The following WWOX variants were observed in gnomAD, a reference collection of about 807,000 sequenced individuals.
The protein encoded by WWOX is WW domain containing oxidoreductase.
A neutral mutation model predicts 46.2 loss-of-function variants in WWOX; 69 were observed. The ratio of observed to expected loss-of-function variants is 1.49; its 90% CI spans 1.23 to 1.82. The LOEUF (loss-of-function observed/expected upper bound fraction) is 1.82, where lower values mean the gene tolerates loss of function less well. Among genes scored for constraint, WWOX ranks in the 40% most tolerant of loss-of-function variants. WWOX has a pLI of 0.00. For synonymous variants in WWOX, 359 were observed against 202.6 expected (o/e 1.77, Z -6.56); for missense variants, 919 against 542.6 (o/e 1.69, Z -6.89).
intron 8 of WWOX, among the ~76,000 whole-genome samples, chr16:78,761,320 T>A (rs2049787531): frequency 6.6e-6 from 1 of 152,216 alleles, no homozygotes. Flanking sequence ...TGTTTGGATT[T>A]TCCTGGCCCA....
intron 8 of WWOX, among the ~76,000 whole-genome samples, chr16:78,987,919 C>CT (rs1324631625): frequency 6.6e-6 from 1 of 152,158 alleles, no homozygotes; most frequent in Admixed American, 6.5e-5. Context: ...CGTCATGTCC[C>CT]TTCTGTATCC....
At chr16:78,179,267 G>T (rs2035451547) in intron 5 of WWOX, among the ~76,000 whole-genome samples, 3 of 152,198 alleles carry the variant, frequency 2.0e-5, no homozygotes, top group Admixed American at 1.3e-4. Context: ...ACCTAATAGG[G>T]TGAAAAATTG....
intron 5 of WWOX, among the ~76,000 whole-genome samples, chr16:78,370,976 A>ATGTCTTTTTTTTTT (rs776317489): frequency 7.8e-6 from 1 of 128,588 alleles, no homozygotes; most frequent in Non-Finnish European, 1.7e-5. Context: ...CTGTGTTGTG[A>ATGTCTTTTTTTTTT]TTTCTTTTTT....
chr16:78,823,553 A>G (rs2051563541), intron 8 of WWOX, among the ~76,000 whole-genome samples: 1 of 152,186 alleles, frequency 6.6e-6, no homozygotes, highest in African/African-American at 2.4e-5. Context: ...AAGATGTTCC[A>G]TTCATTCAGC....
In WWOX at chr16:78,822,729, A is replaced by T. The variant is rs117883248; in HGVS notation, c.1057-388879A>T. Among the ~76,000 whole-genome samples the T allele has an allele frequency of 4.7e-4, 72 of 152,324 alleles. No individual in the cohort carries two copies. The East Asian group carries it at 0.013, about 27-fold the overall frequency. Reference sequence around the variant, plus strand: ...AACATCATCATTGTTGAATAAACAGACGCTTAGCATATTTAGGTTGGAATG... The same window carrying T: ...AACATCATCATTGTTGAATAAACAGTCGCTTAGCATATTTAGGTTGGAATG... On this transcript the variant is annotated intron_variant, in intron 8 of 8. Coordinates refer to ENST00000566780, the MANE Select transcript of WWOX (RefSeq NM_016373.4).
chr16:79,134,875 G>A (rs2049953454), intron 8 of WWOX, among the ~76,000 whole-genome samples: 1 of 152,192 alleles, frequency 6.6e-6, no homozygotes. Flanking sequence ...GAAAGCAACT[G>A]CATTCCCACT....
At chr16:78,753,163 G>T (rs890238029) in intron 8 of WWOX, among the ~76,000 whole-genome samples, 7 of 152,096 alleles carry the variant, frequency 4.6e-5, no homozygotes, top group East Asian at 3.9e-4. Context: ...AGCCGGGCGT[G>T]GGGGCAGGCG....
rs78492067 is a variant in WWOX, at chr16:78,226,938, G to C, written c.516+62649G>C. 7.3e-3 allele frequency among the ~76,000 whole-genome samples: 1,119 copies of C among 152,264 alleles called. 13 individuals carry two copies. Among genetic ancestry groups the C allele is most frequent in the African/African-American group, 0.025 (1,034 of 41,542 alleles). ...AAGAAATTACTTTGGACACAAAGAG[G>C]TGTTTCTTTTGACACAGCAGGCATG... is the stretch of plus-strand genomic sequence containing the variant. On this transcript the variant is annotated intron_variant, in intron 5 of 8. Coordinates refer to ENST00000566780, the MANE Select transcript of WWOX (RefSeq NM_016373.4).
intron 5 of WWOX, among the ~76,000 whole-genome samples, chr16:78,204,651 T>C (rs1158955732): frequency 6.6e-6 from 1 of 152,168 alleles, no homozygotes; most frequent in East Asian, 1.9e-4. Context: ...AAACACAATC[T>C]TAGATGCATA....
chr16:78,432,705 G>A lies in WWOX; in HGVS notation c.1009G>A (p.Val337Met), dbSNP rs1450391213. 1.2e-6 allele frequency: 2 copies of A among 1,614,080 alleles called. No individual in the cohort carries two copies. Among genetic ancestry groups the A allele is most frequent in the African/African-American group, 1.3e-5 (1 of 74,922 alleles). ...CTCCAACATTCATCGCAGCTGGTGG[G>A]TGTACACACTGCTGTTTACCTTGGC... Reference protein sequence around the residue: ...MYSNIHRSWWVYTLLFTLARP... With the variant: ...MYSNIHRSWWMYTLLFTLARP... Residue 337 changes from valine (V) to methionine (M), a missense_variant, in exon 8 of 9, where the codon GTG becomes ATG. Val to Met is a conservative substitution (Grantham distance 21, BLOSUM62 1). Coordinates refer to ENST00000566780, the MANE Select transcript of WWOX (RefSeq NM_016373.4).
At chr16:79,146,305 C>G (rs574687157) in intron 8 of WWOX, among the ~76,000 whole-genome samples, 26 of 152,234 alleles carry the variant, frequency 1.7e-4, no homozygotes, top group Non-Finnish European at 3.5e-4. Flanking sequence ...AAGGTATTCT[C>G]CTACCAGCAG....
At chr16:78,333,989 C>T (rs1317916921) in intron 5 of WWOX, among the ~76,000 whole-genome samples, 1 of 152,190 alleles carries the variant, frequency 6.6e-6, no homozygotes, top group African/African-American at 2.4e-5. Context: ...TGCATATCAG[C>T]CTGAGTTCCT....
intron 8 of WWOX, among the ~76,000 whole-genome samples, chr16:78,847,359 T>C (rs907195496): frequency 6.6e-6 from 1 of 152,210 alleles, no homozygotes; most frequent in Non-Finnish European, 1.5e-5. Context: ...TATATTTCTT[T>C]CTGGACACAT....
At position 78,498,786 on chromosome 16, in the gene WWOX, G is replaced by C. The variant is rs368195082; in HGVS notation, c.1056+66034G>C. ...CATGATCATAGTTCACTATAATCTC[G>C]AACTCCTGGTTTCAAGTAGTCTTCC... On this transcript the variant is annotated intron_variant, in intron 8 of 8. Transcript: ENST00000566780. Among the ~76,000 whole-genome samples, 107 of 152,224 alleles carry C rather than the reference G, an allele frequency of 7.0e-4. 3 individuals carry two copies. The South Asian group carries it at 0.02, about 29-fold the overall frequency.
intron 8 of WWOX, among the ~76,000 whole-genome samples, chr16:78,814,960 G>A (rs901764757): frequency 6.6e-6 from 1 of 152,146 alleles, no homozygotes; most frequent in East Asian, 1.9e-4. Flanking sequence ...TTCTTCTTCT[G>A]GTTGGATTTA....
rs11379084 is a variant in WWOX, at chr16:79,042,728, G to GTT, written c.1057-168866_1057-168865dup. Among the ~76,000 whole-genome samples the GTT allele has an allele frequency of 6.9e-3, 987 of 143,070 alleles. 12 individuals carry two copies. The highest frequency in any genetic ancestry group is 0.02 in the African/African-American group (758 of 38,638). The allele number at this position is 143,070 out of a possible 152,430, so 93.9% of individuals were successfully genotyped here. A position where few individuals can be genotyped will look rare whatever the true frequency, so the allele number is the denominator to read the frequency against. ...GTGGGAAGACAGATGAATACTCAGG[G>GTT]TTTTTTTTTTTTTTTCTTCTAACTT... On this transcript the variant is annotated intron_variant, in intron 8 of 8. Transcript: ENST00000566780.
At chr16:78,696,250 TC>T (rs1421562356) in intron 8 of WWOX, among the ~76,000 whole-genome samples, 1 of 152,148 alleles carries the variant, frequency 6.6e-6, no homozygotes, top group Non-Finnish European at 1.5e-5. Flanking sequence ...ATACCTGCCT[TC>T]CTGTCTTTGC....
intron 8 of WWOX, among the ~76,000 whole-genome samples, chr16:78,655,552 T>A (rs1399818004): frequency 1.3e-5 from 2 of 152,224 alleles, no homozygotes. Context: ...ATCCCTTGTT[T>A]GGTCTATTAC....
intron 8 of WWOX, among the ~76,000 whole-genome samples, chr16:78,805,205 C>A (rs2050997626): frequency 6.6e-6 from 1 of 152,154 alleles, no homozygotes; most frequent in African/African-American, 2.4e-5. Flanking sequence ...TTGAGAGAGA[C>A]CTGATGAGTT....
Sources: gnomAD v4.1 joint callset for allele counts (sites outside exome capture counted in the v4.1 genomes callset) on GRCh38, gnomAD v4.1.1 for gene constraint, MANE v1.5 for transcripts, NCBI Gene and HGNC (gene_info 2026-07-23, HGNC 2026-07-21) for gene names.